PCDHGA4: variants seen among roughly 807,000 people sequenced by gnomAD.
The protein encoded by PCDHGA4 is protocadherin gamma-A4.
Under a neutral mutation model 54.6 loss-of-function variants are expected in PCDHGA4, and 38 were observed. The observed-to-expected ratio is 0.70, with a 90% CI of 0.54 to 0.91. The LOEUF (loss-of-function observed/expected upper bound fraction) is 0.91. Ranked by LOEUF, PCDHGA4 falls within the 40% of genes least tolerant of loss-of-function variation. PCDHGA4 has a pLI of 0.00. For synonymous variants in PCDHGA4, 511 were observed against 512.9 expected, an observed-to-expected ratio of 1.00 and a Z score of 0.05; for missense variants, 1,298 against 1,220.9, an observed-to-expected ratio of 1.06 and a Z score of -0.94.
chr5:141,399,832 G>A, intron 1 of PCDHGA4: 1 of 1,613,152 alleles, frequency 6.2e-7, no homozygotes, highest in African/African-American at 1.3e-5. Flanking sequence ...CGACGGCTCT[G>A]CGCTCTTCGA....
At chr5:141,398,061 A>G (rs541058758) in intron 1 of PCDHGA4, 863 of 1,544,254 alleles carry the variant, frequency 5.6e-4, no homozygotes, top group Middle Eastern at 1.5e-3. Flanking sequence ...CCAAAAATCT[A>G]CAATACAGAG....
rs564486909 is a variant in PCDHGA4, at chr5:141,428,072, G to A, written c.2515-66735G>A. The A allele has an allele frequency of 1.6e-5, 25 of 1,609,080 alleles. No individual in the cohort carries two copies. The South Asian group carries it at 1.9e-4, about 12-fold the overall frequency. On this transcript the variant is annotated intron_variant, in intron 1 of 3. Coordinates refer to ENST00000571252, the MANE Select transcript of PCDHGA4 (RefSeq NM_018917.4). The stretch of plus-strand genomic sequence containing the variant: ...AGGTGGTGGCGGTGGACGCAGATTC[G>A]GGACACAACGCTTGGCTGTCCTACC...
intron 1 of PCDHGA4, chr5:141,426,979 A>G (rs762085745): frequency 4.2e-5 from 19 of 456,640 alleles, no homozygotes; most frequent in Non-Finnish European, 7.5e-5. Flanking sequence ...GAGGTCACTG[A>G]TGCCAACGAT....
chr5:141,439,470 T>C (rs1357441747), intron 1 of PCDHGA4, among the ~76,000 whole-genome samples: 1 of 152,220 alleles, frequency 6.6e-6, no homozygotes, highest in African/African-American at 2.4e-5. Flanking sequence ...CTGCTGCCTT[T>C]CAGCTTGCAA....
At position 141,485,275 on chromosome 5, in the gene PCDHGA4, G is replaced by A. The variant is rs77402299; in HGVS notation, c.2515-9532G>A. The A allele has an allele frequency of 8.7e-6, 14 of 1,613,954 alleles. No homozygotes were observed. In the African/African-American group the frequency reaches 1.1e-4, roughly 12 times the overall value. ...ACGTTTGTGGGCAGATCCGCTACCC[G>A]GTCCCAGAGGAGTCACAGGAAGGGA... On this transcript the variant is annotated intron_variant, in intron 1 of 3. Transcript: ENST00000571252. The surrounding 1 kb of genome is among the most constrained non-coding windows in gnomAD (Gnocchi z 5.7).
At chr5:141,421,513 C>T (rs368199651) in intron 1 of PCDHGA4, 14 of 1,613,960 alleles carry the variant, frequency 8.7e-6, no homozygotes, top group Non-Finnish European at 1.1e-5. Context: ...CCGGGAGGAG[C>T]TCTGTGAGAC....
In PCDHGA4 at chr5:141,470,146, A is replaced by G. The variant is rs181633492; in HGVS notation, c.2515-24661A>G. On this transcript the variant is annotated intron_variant, in intron 1 of 3. Coordinates refer to ENST00000571252, the MANE Select transcript of PCDHGA4 (RefSeq NM_018917.4). ...TTCGTCTCAAAAAAAAAGATCATAG[A>G]TCATCTTATCAAATCAAAGTATGCA... Among the ~76,000 whole-genome samples, 102 of 152,308 alleles carry G rather than the reference A, an allele frequency of 6.7e-4. 2 individuals carry two copies. Among genetic ancestry groups the G allele is most frequent in the African/African-American group, 2.4e-3 (99 of 41,558 alleles).
chr5:141,360,023 A>C, intron 1 of PCDHGA4: 1 of 1,309,494 alleles, frequency 7.6e-7, no homozygotes, highest in Non-Finnish European at 1.0e-6. Context: ...AGAGAAGGCC[A>C]GTATAGATTC....
At chr5:141,376,144 G>A (rs753001081) in intron 1 of PCDHGA4, 6 of 1,613,800 alleles carry the variant, frequency 3.7e-6, no homozygotes, top group South Asian at 1.1e-5. Context: ...CCAACGATTC[G>A]GACCTCACTC....
chr5:141,510,251 C>T (rs569804850), intron 3 of PCDHGA4, among the ~76,000 whole-genome samples: 5 of 144,790 alleles, frequency 3.5e-5, no homozygotes, highest in South Asian at 4.3e-4. Flanking sequence ...CCAGGCTGGG[C>T]GACAGAGCAG....
intron 1 of PCDHGA4, among the ~76,000 whole-genome samples, chr5:141,474,862 T>C (rs1281140736): frequency 6.6e-6 from 1 of 152,264 alleles, no homozygotes; most frequent in Non-Finnish European, 1.5e-5. Context: ...CTTCATTTAA[T>C]AGGATAGGAG....
intron 1 of PCDHGA4, among the ~76,000 whole-genome samples, chr5:141,425,338 G>A (rs561085111): frequency 6.6e-6 from 1 of 152,290 alleles, no homozygotes; most frequent in African/African-American, 2.4e-5. Flanking sequence ...AAAAGGAAGG[G>A]TTGGCTTTGA....
intron 3 of PCDHGA4, 149 bp downstream of exon 3, chr5:141,505,630 A>G (rs558394591): frequency 4.7e-5 from 69 of 1,480,262 alleles, no homozygotes; most frequent in Admixed American, 2.2e-5. Flanking sequence ...AATTCCAAAC[A>G]TAAAGCCTGG....
chr5:141,417,965 T>C lies in PCDHGA4; in HGVS notation c.2514+60344T>C. On this transcript the variant is annotated intron_variant, in intron 1 of 3. Coordinates refer to ENST00000571252, the MANE Select transcript of PCDHGA4 (RefSeq NM_018917.4). ...CACGCTGTGTGAGCCGATCCGCTAC[T>C]CGATTCCGGAGGAGCTGGCCAAGGG... 3 of 1,613,654 alleles carry C rather than the reference T, an allele frequency of 1.9e-6. No homozygotes were observed. In the South Asian group the frequency reaches 3.3e-5, roughly 18 times the overall value.
rs1375121802 is a variant in PCDHGA4 at position 141,432,471 on chromosome 5, G to A, written c.2515-62336G>A. 2 of 1,614,094 alleles carry A rather than the reference G, an allele frequency of 1.2e-6. No homozygotes were observed. Among genetic ancestry groups the A allele is most frequent in the African/African-American group, 2.7e-5 (2 of 74,946 alleles). ...CTGTACCCCGCCCTCCCCACGGACG[G>A]TTCCACTGGCGTGGAGCTGGCTCCC... is the stretch of plus-strand genomic sequence containing the variant. On this transcript the variant is annotated intron_variant, in intron 1 of 3. Coordinates refer to ENST00000571252, the MANE Select transcript of PCDHGA4 (RefSeq NM_018917.4). The surrounding 1 kb of genome is among the most constrained non-coding windows in gnomAD (Gnocchi z 6.0).
intron 1 of PCDHGA4, chr5:141,364,204 A>C (rs1763216193): frequency 1.7e-6 from 2 of 1,155,836 alleles, no homozygotes; most frequent in East Asian, 5.3e-5. Flanking sequence ...CAGACCAGAC[A>C]AGCTCCTACG....
chr5:141,362,338 C>T lies in PCDHGA4; in HGVS notation c.2514+4717C>T, dbSNP rs760109365. ...TTTTCAGCCTGGTCTCAGCTCCAAG[C>T]CTGGACCTGGGGTTCTCCCCAATTA... On this transcript the variant is annotated intron_variant, in intron 1 of 3. Coordinates refer to ENST00000571252, the MANE Select transcript of PCDHGA4 (RefSeq NM_018917.4). The T allele has an allele frequency of 9.3e-6, 15 of 1,614,070 alleles. No homozygotes were observed. In the South Asian group the frequency reaches 1.6e-4, roughly 18 times the overall value.
chr5:141,403,620 C>T (rs1561689160), intron 1 of PCDHGA4: 1 of 1,613,916 alleles, frequency 6.2e-7, no homozygotes, highest in Non-Finnish European at 8.5e-7. Context: ...CCGCGTCGCT[C>T]CAGCACAGTG....
intron 1 of PCDHGA4, chr5:141,421,412 A>T (rs375885183): frequency 4.3e-6 from 7 of 1,613,962 alleles, no homozygotes; most frequent in Non-Finnish European, 5.9e-6. Context: ...GAGCTGGCGA[A>T]GCGCGGAGTC....
Sources: allele counts gnomAD v4.1 joint callset (sites outside exome capture counted in the v4.1 genomes callset), GRCh38; gene constraint gnomAD v4.1.1; non-coding constraint Gnocchi (gnomAD v3.1); transcripts MANE v1.5; gene names NCBI Gene and HGNC (gene_info 2026-07-23, HGNC 2026-07-21).